Variants in TRPS1 observed in about 807,000 individuals in gnomAD.
TRPS1 encodes transcriptional repressor GATA binding 1, also known as zinc finger transcription factor Trps1.
TRPS1 carries 6 observed loss-of-function variants against 101.2 expected under a neutral mutation model. The ratio of observed to expected loss-of-function variants is 0.06; its 90% CI spans 0.03 to 0.12. The LOEUF is 0.12. Ranked by LOEUF, TRPS1 falls within the 10% of genes least tolerant of loss-of-function variation. TRPS1 has a pLI of 1.00. For synonymous variants in TRPS1, 578 were observed against 589.8 expected, an observed-to-expected ratio of 0.98 and a Z score of 0.29; for missense variants, 1,363 against 1,567.0, an observed-to-expected ratio of 0.87 and a Z score of 2.20.
intron 5 of TRPS1, among the ~76,000 whole-genome samples, chr8:115,516,789 G>C (rs1815722603): frequency 6.6e-6 from 1 of 151,472 alleles, no homozygotes; most frequent in East Asian, 1.9e-4. Context: ...AGTCTCTTGA[G>C]GCTCAGACTA....
At chr8:115,599,041 C>T (rs1168579509) in intron 4 of TRPS1, among the ~76,000 whole-genome samples, 1 of 152,044 alleles carries the variant, frequency 6.6e-6, no homozygotes, top group Admixed American at 6.6e-5. Flanking sequence ...CCATTTTCTC[C>T]TCAAATACTG....
chr8:115,498,309 T>C (rs1246985521), intron 5 of TRPS1, among the ~76,000 whole-genome samples: 5 of 150,268 alleles, frequency 3.3e-5, no homozygotes, highest in African/African-American at 1.2e-4. Flanking sequence ...GCCTCTAAAG[T>C]CTATGCTGCA....
chr8:115,598,309 C>G (rs1318612198), intron 4 of TRPS1, among the ~76,000 whole-genome samples: 1 of 152,036 alleles, frequency 6.6e-6, no homozygotes, highest in African/African-American at 2.4e-5. Flanking sequence ...GTCATTTTCC[C>G]TTCAAACTTA....
chr8:115,572,104 T>C (rs951624798), intron 5 of TRPS1, among the ~76,000 whole-genome samples: 11 of 152,194 alleles, frequency 7.2e-5, no homozygotes, highest in Non-Finnish European at 1.6e-4. Flanking sequence ...CTGGTTACAA[T>C]AAGATACTTA....
chr8:115,425,252 C>T (rs1451278947), intron 5 of TRPS1, among the ~76,000 whole-genome samples: 2 of 152,156 alleles, frequency 1.3e-5, no homozygotes, highest in East Asian at 1.9e-4. Flanking sequence ...CATGTCTTTG[C>T]CTGCTTTAAA....
chr8:115,496,847 GAA>G (rs1175648791), intron 5 of TRPS1, among the ~76,000 whole-genome samples: 3 of 151,966 alleles, frequency 2.0e-5, no homozygotes, highest in African/African-American at 7.3e-5. Flanking sequence ...CTCCATTTTA[GAA>G]AAAGTTTTAA....
rs371487566 is a variant in TRPS1, at chr8:115,521,646, C to T, written c.2700+65355G>A. 7.0e-4 allele frequency among the ~76,000 whole-genome samples: 106 copies of T among 151,846 alleles called. 1 individual carries two copies. The South Asian group carries it at 0.019, about 28-fold the overall frequency. On this transcript the variant is annotated intron_variant, in intron 5 of 6. Coordinates refer to ENST00000395715, the MANE Select transcript of TRPS1 (RefSeq NM_014112.5). ...GAAGTTAATAATCACATTCATCTAA[C>T]GTTCCCAGAATTCCAAAAAAATAAA...
At chr8:115,428,294 A>G (rs2129815893) in intron 5 of TRPS1, among the ~76,000 whole-genome samples, 1 of 152,308 alleles carries the variant, frequency 6.6e-6, no homozygotes, top group African/African-American at 2.4e-5. Flanking sequence ...AAACTCCCCC[A>G]CTATTATATA....
At chr8:115,515,618 C>T (rs564652345) in intron 5 of TRPS1, among the ~76,000 whole-genome samples, 1 of 151,288 alleles carries the variant, frequency 6.6e-6, no homozygotes, top group Non-Finnish European at 1.5e-5. Context: ...AAGTTATATT[C>T]TAAGTGCTCT....
chr8:115,449,897 C>T (rs186550005), intron 5 of TRPS1, among the ~76,000 whole-genome samples: 227 of 151,748 alleles, frequency 1.5e-3, no homozygotes, highest in Non-Finnish European at 2.5e-3. Context: ...GAGCTTCACA[C>T]ATAACACTTT....
rs1812809223 is a variant in TRPS1, at chr8:115,412,289, T to C, written c.*1734A>G. On this transcript the variant is annotated 3_prime_UTR_variant, in exon 7 of 7. Transcript: ENST00000395715. ...TTCCATACCATTATAGCAAGAACTT[T>C]CATTTGTTTCATGTTACCGTTTACA... 1 of 152,476 alleles carries C rather than the reference T, an allele frequency of 6.6e-6. No individual in the cohort carries two copies. Among genetic ancestry groups the C allele is most frequent in the Non-Finnish European group, 1.5e-5 (1 of 67,974 alleles). 9.4% of individuals were successfully genotyped at this position (152,476 alleles called of 1,614,324 possible). A position where few individuals can be genotyped will look rare whatever the true frequency, so the allele number is the denominator to read the frequency against.
rs987724274 is a variant in TRPS1 at position 115,409,046 on chromosome 8, G to A, written c.*4977C>T. 1.8e-4 allele frequency: 27 copies of A among 151,890 alleles called. No individual in the cohort carries two copies. Among genetic ancestry groups the A allele is most frequent in the African/African-American group, 6.5e-4 (27 of 41,278 alleles). 9.4% of individuals were successfully genotyped at this position (151,890 alleles called of 1,614,324 possible). On this transcript the variant is annotated 3_prime_UTR_variant, in exon 7 of 7. Transcript: ENST00000395715. Reference sequence around the variant, plus strand: ...TGACCCCAACCTTTCCTGGCCTTTGGGAACTGACAGTTTAAATAACCCCCT... The same window carrying A: ...TGACCCCAACCTTTCCTGGCCTTTGAGAACTGACAGTTTAAATAACCCCCT...
intron 5 of TRPS1, among the ~76,000 whole-genome samples, chr8:115,534,878 G>T (rs1056174095): frequency 2.6e-5 from 4 of 151,872 alleles, no homozygotes; most frequent in Non-Finnish European, 5.9e-5. Context: ...TTTAAAGTTA[G>T]AAATACACTA....
At chr8:115,638,418 G>A (rs1462401113) in intron 1 of TRPS1, among the ~76,000 whole-genome samples, 1 of 152,114 alleles carries the variant, frequency 6.6e-6, no homozygotes, top group East Asian at 1.9e-4. Flanking sequence ...AATAAAATAG[G>A]TTGATTTGTG....
At chr8:115,415,448 T>G (rs1394547196) in intron 6 of TRPS1, among the ~76,000 whole-genome samples, 1 of 152,190 alleles carries the variant, frequency 6.6e-6, no homozygotes, top group Non-Finnish European at 1.5e-5. Flanking sequence ...TTTTGAGTTG[T>G]GCACTAAAAT....
chr8:115,622,470 A>C (rs1563651368), intron 2 of TRPS1, among the ~76,000 whole-genome samples: 1 of 152,230 alleles, frequency 6.6e-6, no homozygotes, highest in Non-Finnish European at 1.5e-5. Flanking sequence ...CTTGGTCTAC[A>C]GAAAAGGATA....
chr8:115,500,758 T>A (rs568804767), intron 5 of TRPS1, among the ~76,000 whole-genome samples: 1 of 151,812 alleles, frequency 6.6e-6, no homozygotes, highest in African/African-American at 2.4e-5. Flanking sequence ...GTGTTTTTAG[T>A]AGAGACAGGG....
chr8:115,443,083 G>A (rs548999836), intron 5 of TRPS1, among the ~76,000 whole-genome samples: 54 of 151,858 alleles, frequency 3.6e-4, no homozygotes, highest in African/African-American at 1.2e-3. Flanking sequence ...GTGACAGAGC[G>A]AGACTCCATC....
Position 115,620,025 on chromosome 8 carries a change from C to G in TRPS1, c.73G>C (p.Val25Leu). The change falls in exon 3 of 7, where the codon GTT becomes CTT. Residue 25 changes from valine to leucine, a missense_variant. By Grantham distance (32) the Val-to-Leu change is conservative. Transcript: ENST00000395715. ...VRKKNPPLRN[V>L]ASEGEGQILE... ...ATCTGGCCCTCGCCTTCACTTGCAA[C>G]GTTTCTCAGAGGGGGGTTCTTTTTC... 1 of 1,614,118 alleles carries G rather than the reference C, an allele frequency of 6.2e-7. No individual in the cohort carries two copies. The highest frequency in any genetic ancestry group is 1.1e-5 in the South Asian group (1 of 91,076).
Sources: gnomAD v4.1 joint callset for allele counts (sites outside exome capture counted in the v4.1 genomes callset) on GRCh38, gnomAD v4.1.1 for gene constraint, MANE v1.5 for transcripts, NCBI Gene and HGNC (gene_info 2026-07-23, HGNC 2026-07-21) for gene names.